The following PELP1 variants were observed in gnomAD, a reference collection of about 807,000 sequenced individuals.
PELP1 encodes the protein proline-, glutamic acid- and leucine-rich protein 1.
A neutral mutation model predicts 95.5 loss-of-function variants in PELP1; 32 were observed. The observed-to-expected ratio is 0.34, with a 90% confidence interval of 0.25 to 0.45. PELP1 has a LOEUF of 0.45. Ranked by LOEUF, PELP1 falls within the 20% of genes least tolerant of loss-of-function variation. PELP1 has a pLI of 1.00. For synonymous variants in PELP1, 668 were observed against 600.1 expected, an observed-to-expected ratio of 1.11 and a Z score of -1.65; for missense variants, 1,358 against 1,444.8, an observed-to-expected ratio of 0.94 and a Z score of 0.97.
chr17:4,694,346 G>A (rs1913212485), intron 1 of PELP1, among the ~76,000 whole-genome samples: 2 of 151,824 alleles, frequency 1.3e-5, no homozygotes, highest in African/African-American at 2.4e-5. Context: ...CCACGGAATT[G>A]TATACTCTAA....
intron 3 of PELP1, among the ~76,000 whole-genome samples, chr17:4,684,647 T>A (rs1196966916): frequency 6.6e-6 from 1 of 152,174 alleles, no homozygotes; most frequent in Non-Finnish European, 1.5e-5. Flanking sequence ...CCCACTGACA[T>A]TTATACAGCT....
intron 3 of PELP1, among the ~76,000 whole-genome samples, chr17:4,686,251 T>C (rs1051545576): frequency 7.2e-5 from 11 of 152,084 alleles, no homozygotes; most frequent in Admixed American, 1.3e-4. Flanking sequence ...TTCCCACACC[T>C]CCAAACCTGT....
At position 4,673,522 on chromosome 17, in the gene PELP1, C is replaced by A. The variant is rs956840254; in HGVS notation, c.1639-66G>T. On this transcript the variant is annotated intron_variant, in intron 14 of 16. Transcript: ENST00000572293. The surrounding 1 kb of genome is among the most constrained non-coding windows in gnomAD (Gnocchi z 5.7). ...ACCCAACCCTTCTCCAGAGCCTACTCCCAGGTCGGAATGGACCCACCTCTG... is the reference window on the plus strand; with the variant it reads ...ACCCAACCCTTCTCCAGAGCCTACTACCAGGTCGGAATGGACCCACCTCTG... The A allele has an allele frequency of 6.4e-7, 1 of 1,569,588 alleles. No homozygotes were observed. The highest frequency in any genetic ancestry group is 1.3e-5 in the African/African-American group (1 of 74,118).
intron 5 of PELP1, among the ~76,000 whole-genome samples, chr17:4,682,133 C>A (rs1264455086): frequency 6.6e-6 from 1 of 152,166 alleles, no homozygotes; most frequent in Non-Finnish European, 1.5e-5. Context: ...GCACCCCAGC[C>A]TGGACAACAG....
chr17:4,700,387 G>C (rs1196978221), intron 1 of PELP1, among the ~76,000 whole-genome samples: 1 of 151,944 alleles, frequency 6.6e-6, no homozygotes, highest in African/African-American at 2.4e-5. Context: ...GCTCATGCCT[G>C]TATTCTCAGC....
At chr17:4,701,631 G>A (rs1046125657) in intron 1 of PELP1, among the ~76,000 whole-genome samples, 1 of 152,206 alleles carries the variant, frequency 6.6e-6, no homozygotes, top group Non-Finnish European at 1.5e-5. Context: ...CATGTTGGTA[G>A]GTGGATGATC....
At chr17:4,691,121 G>T in intron 2 of PELP1, 128 bp from the exon 3 acceptor site, 1 of 703,758 alleles carries the variant, frequency 1.4e-6, no homozygotes, top group Non-Finnish European at 2.5e-6. Context: ...TCCAACTCCT[G>T]AAATACTTGG....
At chr17:4,695,811 TCTAAAAATCTA>T (rs1913275642) in intron 1 of PELP1, among the ~76,000 whole-genome samples, 1 of 147,574 alleles carries the variant, frequency 6.8e-6, no homozygotes, top group African/African-American at 2.5e-5. Flanking sequence ...AAACTAAACA[TCTAAAAATCTA>T]CTAAAAATAC....
Position 4,676,023 on chromosome 17 carries a change from T to C in PELP1, c.980+13A>G, listed in dbSNP as rs765749746. The C allele has an allele frequency of 5.6e-6, 9 of 1,613,270 alleles. No homozygotes were observed. The African/African-American group carries it at 1.2e-4, about 22-fold the overall frequency. On this transcript the variant is annotated intron_variant, in intron 8 of 16. Coordinates refer to ENST00000572293, the MANE Select transcript of PELP1 (RefSeq NM_014389.3). ...TGCTCCACGCCTCCGCTCCCTCCAA[T>C]ACCCACACACACCTGAGCATGAGCC...
chr17:4,690,307 T>C (rs2135911), intron 3 of PELP1, among the ~76,000 whole-genome samples: 99,321 of 151,968 alleles, frequency 0.65, 33,356 homozygotes, highest in South Asian at 0.85. Flanking sequence ...GATAAAAAAC[T>C]ACATATTGAG....
At chr17:4,700,722 C>T (rs971742052) in intron 1 of PELP1, among the ~76,000 whole-genome samples, 1 of 151,714 alleles carries the variant, frequency 6.6e-6, no homozygotes, top group Non-Finnish European at 1.5e-5. Flanking sequence ...TTCAGGAGTT[C>T]AAGACCAGCC....
intron 3 of PELP1, among the ~76,000 whole-genome samples, chr17:4,689,855 A>G (rs1057510194): frequency 6.6e-6 from 1 of 152,148 alleles, no homozygotes; most frequent in Admixed American, 6.6e-5. Flanking sequence ...GTGAAACCCC[A>G]TCTCTACTAA....
At chr17:4,686,570 T>G (rs1415200123) in intron 3 of PELP1, among the ~76,000 whole-genome samples, 2 of 152,126 alleles carry the variant, frequency 1.3e-5, no homozygotes, top group Non-Finnish European at 2.9e-5. Context: ...CAGGCTGGAG[T>G]GCAGTGGCGC....
At position 4,672,125 on chromosome 17, in the gene PELP1, C is replaced by A; in HGVS notation, c.2866G>T (p.Glu956Ter). ...EEEEDEEEEE[E>*]LEEVEDLEFG... ...TCCAGGTCTTCCACCTCTTCCAGTT[C>A]TTCTTCCTCCTCCTCATCCTCCTCT... is the stretch of plus-strand genomic sequence containing the variant. Residue 956 changes from glutamate to a stop codon, truncating the protein, a stop_gained, in exon 16 of 17, where the codon GAA becomes TAA. Coordinates refer to ENST00000572293, the MANE Select transcript of PELP1 (RefSeq NM_014389.3). LOFTEE classifies it high-confidence loss of function. 1 of 1,552,604 alleles carries A rather than the reference C, an allele frequency of 6.4e-7. No individual in the cohort carries two copies. The highest frequency in any genetic ancestry group is 8.7e-7 in the Non-Finnish European group (1 of 1,147,498).
Position 4,682,902 on chromosome 17 carries a change from G to T in PELP1, c.471C>A (p.Asp157Glu). The T allele has an allele frequency of 6.3e-7, 1 of 1,584,216 alleles. No homozygotes were observed. ...TMELAVAVLR[D>E]LLRYAAQLPA... ...GCAGCTGGGCTGCATATCGGAGGAGGTCCCTCAGGACAGCCACGGCCAGCT... is the reference window on the plus strand; with the variant it reads ...GCAGCTGGGCTGCATATCGGAGGAGTTCCCTCAGGACAGCCACGGCCAGCT... The change falls in exon 4 of 17, where the codon GAC (aspartate) becomes GAA (glutamate). Residue 157 changes from aspartate (D) to glutamate (E), a missense_variant. Around this residue, in one of 7 missense-constraint regions of PELP1, gnomAD observed 538 missense variants for 628.1 expected, o/e 0.86. Coordinates refer to ENST00000572293, the MANE Select transcript of PELP1 (RefSeq NM_014389.3).
intron 3 of PELP1, among the ~76,000 whole-genome samples, chr17:4,690,004 C>T (rs765573005): frequency 2.0e-5 from 3 of 151,464 alleles, no homozygotes; most frequent in Admixed American, 6.6e-5. Flanking sequence ...CCAGCCTGGG[C>T]GACAGAGCAA....
intron 1 of PELP1, among the ~76,000 whole-genome samples, chr17:4,692,177 A>G (rs1365309785): frequency 6.6e-6 from 1 of 152,234 alleles, no homozygotes; most frequent in Non-Finnish European, 1.5e-5. Context: ...ATAAATATTT[A>G]CTTGACATGG....
chr17:4,677,795 T>G (rs1289376326), intron 5 of PELP1, among the ~76,000 whole-genome samples: 1 of 151,918 alleles, frequency 6.6e-6, no homozygotes, highest in Non-Finnish European at 1.5e-5. Flanking sequence ...CCGGGTGTGG[T>G]GGCGCATGCC....
At position 4,691,398 on chromosome 17, in the gene PELP1, A is replaced by G; in HGVS notation, c.294T>C (p.Arg98=). The G allele has an allele frequency of 6.2e-7, 1 of 1,613,646 alleles. No homozygotes were observed. The highest frequency in any genetic ancestry group is 8.5e-7 in the Non-Finnish European group (1 of 1,179,560). ...CTTACCGAGTTTTGATGGAACTGAGACGTGCATTACTGAGACTCACCAATG... is the reference window on the plus strand; with the variant it reads ...CTTACCGAGTTTTGATGGAACTGAGGCGTGCATTACTGAGACTCACCAATG... ...LGALVSLSNA[R]LSSIKTRFEG... is the part of the protein sequence containing the mutation. The change falls in exon 2 of 17, where the codon CGT becomes CGC. Residue 98 remains arginine, a synonymous_variant. Transcript: ENST00000572293.
Sources: allele counts gnomAD v4.1 joint callset (sites outside exome capture counted in the v4.1 genomes callset), GRCh38; gene constraint gnomAD v4.1.1; regional missense constraint gnomAD v4.1.1; non-coding constraint Gnocchi (gnomAD v3.1); transcripts MANE v1.5; gene names NCBI Gene and HGNC (gene_info 2026-07-23, HGNC 2026-07-21).